Variants in PLEKHM3 observed in about 807,000 individuals in gnomAD.
PLEKHM3 encodes pleckstrin homology domain-containing family M member 3.
PLEKHM3 carries 45 observed loss-of-function variants against 81.8 expected under a neutral mutation model. The ratio of observed to expected loss-of-function variants is 0.55; its 90% CI spans 0.43 to 0.71. The LOEUF is 0.71. Among genes scored for constraint, PLEKHM3 ranks in the 30% least tolerant of loss-of-function variants. The pLI, the probability that PLEKHM3 is intolerant of heterozygous loss-of-function variation, is 0.00. For synonymous variants in PLEKHM3, 352 were observed against 356.4 expected, an observed-to-expected ratio of 0.99 and a Z score of 0.14; for missense variants, 788 against 924.3, an observed-to-expected ratio of 0.85 and a Z score of 1.91.
At chr2:207,828,605 C>G in intron 7 of PLEKHM3, 109 bp from the exon 8 acceptor site, 3 of 1,023,012 alleles carry the variant, frequency 2.9e-6, no homozygotes, top group Non-Finnish European at 4.2e-6. Context: ...CTGTTCTGGA[C>G]AACCCTGCCA....
At chr2:207,996,574 AAAG>A (rs1232181512) in intron 2 of PLEKHM3, among the ~76,000 whole-genome samples, 4 of 152,222 alleles carry the variant, frequency 2.6e-5, no homozygotes, top group Admixed American at 6.5e-5. Flanking sequence ...CTTAAAAAGA[AAAG>A]AAAAACAAAT....
intron 7 of PLEKHM3, among the ~76,000 whole-genome samples, chr2:207,829,796 C>T (rs1006788979): frequency 3.3e-5 from 5 of 152,260 alleles, no homozygotes; most frequent in Middle Eastern, 3.4e-3. Flanking sequence ...TGCGAAGGAA[C>T]CAGTCCCGAG....
In PLEKHM3 at chr2:207,931,115, G is replaced by T; in HGVS notation, c.1697C>A (p.Ser566Ter). The T allele has an allele frequency of 5.6e-6, 9 of 1,608,686 alleles. No homozygotes were observed. The highest frequency in any genetic ancestry group is 1.1e-5 in the South Asian group (1 of 90,642). Residue 566 changes from serine to a stop codon, truncating the protein, a stop_gained, in exon 5 of 8, where the codon TCG (serine) becomes TAG (stop). Transcript: ENST00000427836. LOFTEE classifies it high-confidence loss of function. ...HNWDTSKYKV[S>*]KQAKEFLEYV... Reference sequence around the variant, plus strand: ...CTCCAGAAACTCCTTGGCCTGCTTCGACACCTACAAAACAAGCGTCGTCAG... The same window carrying T: ...CTCCAGAAACTCCTTGGCCTGCTTCTACACCTACAAAACAAGCGTCGTCAG...
chr2:207,966,996 T>A (rs553457149), intron 3 of PLEKHM3, among the ~76,000 whole-genome samples: 1 of 152,190 alleles, frequency 6.6e-6, no homozygotes, highest in South Asian at 2.1e-4. Flanking sequence ...TTTATTTTTA[T>A]TTTTTTAGAC....
chr2:207,940,917 A>G (rs1689918216), intron 4 of PLEKHM3, among the ~76,000 whole-genome samples: 1 of 152,244 alleles, frequency 6.6e-6, no homozygotes, highest in Non-Finnish European at 1.5e-5. Flanking sequence ...AAAATAGGAT[A>G]GGTACAAATA....
At position 207,823,208 on chromosome 2, in the gene PLEKHM3, C is replaced by G. The variant is rs954752769; in HGVS notation, c.*5111G>C. On this transcript the variant is annotated 3_prime_UTR_variant, in exon 8 of 8. Transcript: ENST00000427836. ...TTCACAGGGAAAATCCAAAGCAAAA[C>G]AGCAGTTGTCTCACTTGAGTTTAGC... The G allele has an allele frequency of 6.6e-6, 1 of 152,176 alleles. No individual in the cohort carries two copies. The highest frequency in any genetic ancestry group is 2.4e-5 in the African/African-American group (1 of 41,434). 9.4% of individuals were successfully genotyped at this position (152,176 alleles called of 1,614,324 possible).
chr2:207,828,623 G>A (rs1238761094), intron 7 of PLEKHM3, 127 bp from the exon 8 acceptor site: 3 of 819,404 alleles, frequency 3.7e-6, no homozygotes, highest in Non-Finnish European at 5.6e-6. Context: ...CCAATGGGAA[G>A]GGAGATGACT....
Position 208,023,394 on chromosome 2 carries a change from T to C in PLEKHM3, c.-319+1995A>G, listed in dbSNP as rs566646215. On this transcript the variant is annotated intron_variant, in intron 1 of 7. Transcript: ENST00000427836. ...AGCCAATCTCCAGAACTCTTTTCAT[T>C]TTGCAAAACTGAAACTCTATACCCA... Among the ~76,000 whole-genome samples, 37 of 152,210 alleles carry C rather than the reference T, an allele frequency of 2.4e-4. 1 individual carries two copies. In the South Asian group the frequency reaches 7.5e-3, roughly 31 times the overall value.
chr2:207,884,218 C>CA (rs1687812474), intron 6 of PLEKHM3, among the ~76,000 whole-genome samples: 1 of 143,028 alleles, frequency 7.0e-6, no homozygotes, highest in African/African-American at 2.6e-5. Context: ...CTGAAAAACT[C>CA]ACAGTTAACA....
At chr2:207,922,047 GAGGA>G (rs1316164062) in intron 5 of PLEKHM3, among the ~76,000 whole-genome samples, 3 of 152,120 alleles carry the variant, frequency 2.0e-5, no homozygotes, top group Non-Finnish European at 4.4e-5. Flanking sequence ...TTAGTTTTTT[GAGGA>G]AGCTCCATGC....
At chr2:207,868,781 T>C (rs557489859) in intron 6 of PLEKHM3, 30 of 152,248 alleles carry the variant, frequency 2.0e-4, no homozygotes, top group African/African-American at 6.7e-4. Context: ...AGGCCACATG[T>C]CATTTTTTTT....
At chr2:207,879,389 T>C (rs892082459) in intron 6 of PLEKHM3, among the ~76,000 whole-genome samples, 1 of 152,244 alleles carries the variant, frequency 6.6e-6, no homozygotes, top group African/African-American at 2.4e-5. Flanking sequence ...CTGCCATCCA[T>C]AGTTATGAAC....
At chr2:207,964,649 C>T (rs1052559745) in intron 3 of PLEKHM3, among the ~76,000 whole-genome samples, 3 of 152,164 alleles carry the variant, frequency 2.0e-5, no homozygotes, top group East Asian at 1.9e-4. Flanking sequence ...AAGTACAATG[C>T]AGAACCATAA....
chr2:207,838,604 G>A (rs2092333145), intron 7 of PLEKHM3, among the ~76,000 whole-genome samples: 1 of 152,168 alleles, frequency 6.6e-6, no homozygotes, highest in Non-Finnish European at 1.5e-5. Flanking sequence ...TTCTAAGTAT[G>A]TGTATAAAAT....
intron 4 of PLEKHM3, among the ~76,000 whole-genome samples, chr2:207,945,938 A>G (rs1004676114): frequency 6.6e-6 from 1 of 151,934 alleles, no homozygotes; most frequent in Non-Finnish European, 1.5e-5. Flanking sequence ...GAACAAAAAC[A>G]AAACAAAACA....
intron 3 of PLEKHM3, among the ~76,000 whole-genome samples, chr2:207,969,965 T>C (rs1420394369): frequency 6.6e-6 from 1 of 152,174 alleles, no homozygotes; most frequent in Non-Finnish European, 1.5e-5. Flanking sequence ...AATAAAGAAC[T>C]AAAAAGCACA....
At chr2:207,914,820 A>C (rs1190387418) in intron 5 of PLEKHM3, among the ~76,000 whole-genome samples, 5 of 152,240 alleles carry the variant, frequency 3.3e-5, no homozygotes, top group Admixed American at 6.5e-5. Flanking sequence ...CTTGTTGCAG[A>C]AGAGGCTGCT....
intron 3 of PLEKHM3, among the ~76,000 whole-genome samples, chr2:207,960,308 G>T (rs1359940271): frequency 6.6e-6 from 1 of 152,210 alleles, no homozygotes. Flanking sequence ...TCAGGAAGCA[G>T]ATTTCTGTCT....
intron 7 of PLEKHM3, among the ~76,000 whole-genome samples, chr2:207,831,188 G>A (rs1553541587): frequency 2.6e-5 from 4 of 152,230 alleles, no homozygotes. Flanking sequence ...ATTGCAGCCT[G>A]ACTTCACCCA....
Sources: gnomAD v4.1 joint callset for allele counts (sites outside exome capture counted in the v4.1 genomes callset) on GRCh38, gnomAD v4.1.1 for gene constraint, MANE v1.5 for transcripts, NCBI Gene and HGNC (gene_info 2026-07-23, HGNC 2026-07-21) for gene names.